The following MBOAT1 variants were observed in gnomAD, a reference collection of about 807,000 sequenced individuals.
The protein encoded by MBOAT1 is membrane bound glycerophospholipid O-acyltransferase 1.
Under a neutral mutation model 64.4 loss-of-function variants are expected in MBOAT1, and 67 were observed. The ratio of observed to expected loss-of-function variants is 1.04; its 90% CI spans 0.85 to 1.27. The LOEUF (loss-of-function observed/expected upper bound fraction) is 1.27. Among genes scored for constraint, MBOAT1 ranks in the 50% most tolerant of loss-of-function variants. MBOAT1 has a pLI of 0.00. For synonymous variants in MBOAT1, 229 were observed against 218.9 expected (o/e 1.05, Z -0.41); for missense variants, 563 against 604.6 (o/e 0.93, Z 0.72).
At chr6:20,129,247 A>C (rs1581409082) in intron 5 of MBOAT1, among the ~76,000 whole-genome samples, 1 of 152,352 alleles carries the variant, frequency 6.6e-6, no homozygotes, top group South Asian at 2.1e-4. Context: ...ACAATAAAAA[A>C]TAAAAAATAA....
intron 11 of MBOAT1, among the ~76,000 whole-genome samples, chr6:20,111,957 C>T (rs1760184803): frequency 6.7e-6 from 1 of 148,176 alleles, no homozygotes; most frequent in Admixed American, 6.8e-5. Flanking sequence ...GTCTTGTTCA[C>T]TGTGGTATCC....
intron 1 of MBOAT1, among the ~76,000 whole-genome samples, chr6:20,197,996 C>A (rs1440444324): frequency 6.6e-6 from 1 of 151,524 alleles, no homozygotes; most frequent in Non-Finnish European, 1.5e-5. Flanking sequence ...GAGTCTGAGG[C>A]GGGTGAAACA....
intron 12 of MBOAT1, 113 bp from the exon 13 acceptor site, chr6:20,102,525 GA>G: frequency 1.2e-6 from 1 of 836,030 alleles, no homozygotes; most frequent in East Asian, 2.8e-5. Flanking sequence ...TTGGCAGTAG[GA>G]GGCCTGTCTA....
In MBOAT1 at chr6:20,124,383, G is replaced by C. The variant is rs562998263; in HGVS notation, c.907+25C>G. 7 of 1,601,520 alleles carry C rather than the reference G, an allele frequency of 4.4e-6. No individual in the cohort carries two copies. In the Middle Eastern group the frequency reaches 8.3e-4, roughly 191 times the overall value. The stretch of plus-strand genomic sequence containing the variant: ...AGCAGTAGCATTTTTCCCTCATTCA[G>C]TTACAGCTACTCCATCAAACTTACC... On this transcript the variant is annotated intron_variant, in intron 8 of 12. Transcript: ENST00000324607.
At chr6:20,138,696 T>G (rs1443420469) in intron 4 of MBOAT1, among the ~76,000 whole-genome samples, 1 of 152,226 alleles carries the variant, frequency 6.6e-6, no homozygotes, top group African/African-American at 2.4e-5. Flanking sequence ...TTATCCTGTA[T>G]GATCAGGATC....
At chr6:20,102,480 T>C in intron 12 of MBOAT1, 68 bp from the exon 13 acceptor site, 2 of 1,339,800 alleles carry the variant, frequency 1.5e-6, no homozygotes, top group South Asian at 1.3e-5. Flanking sequence ...CACCTAATTA[T>C]ATCACCTACA....
At chr6:20,128,922 A>G (rs76432097) in intron 5 of MBOAT1, among the ~76,000 whole-genome samples, 169 bp from the exon 6 acceptor site, 353 of 152,236 alleles carry the variant, frequency 2.3e-3, no homozygotes, top group African/African-American at 8.1e-3. Flanking sequence ...CAAAAGAGCT[A>G]CCCATAAGTA....
intron 9 of MBOAT1, among the ~76,000 whole-genome samples, chr6:20,116,713 G>A (rs1057177573): frequency 2.0e-5 from 3 of 152,146 alleles, no homozygotes; most frequent in Non-Finnish European, 4.4e-5. Flanking sequence ...TATATCAAAT[G>A]TATGATGAAA....
chr6:20,145,365 G>A (rs1388811313), intron 3 of MBOAT1, among the ~76,000 whole-genome samples: 1 of 152,162 alleles, frequency 6.6e-6, no homozygotes, highest in African/African-American at 2.4e-5. Context: ...CATTTCTGTT[G>A]TTTATAAGCC....
intron 3 of MBOAT1, among the ~76,000 whole-genome samples, chr6:20,147,485 C>T (rs1328385159): frequency 6.6e-6 from 1 of 152,132 alleles, no homozygotes; most frequent in Non-Finnish European, 1.5e-5. Context: ...ACTAAAAATA[C>T]AAAATTAGCC....
At chr6:20,115,146 T>C (rs1326354629) in intron 10 of MBOAT1, 142 bp downstream of exon 10, 1 of 694,984 alleles carries the variant, frequency 1.4e-6, no homozygotes, top group South Asian at 1.7e-5. Context: ...TTCTACTTTA[T>C]CATTTACAGG....
In MBOAT1 at chr6:20,168,495, G is replaced by GAC. The variant is rs1561772989; in HGVS notation, c.100-15727_100-15726insGT. 7.8e-4 allele frequency among the ~76,000 whole-genome samples: 101 copies of GAC among 129,450 alleles called. 1 individual carries two copies. The highest frequency in any genetic ancestry group is 1.9e-3 in the African/African-American group (55 of 28,832). The allele number at this position is 129,450 out of a possible 152,430, so 84.9% of individuals were successfully genotyped here. On this transcript the variant is annotated intron_variant, in intron 1 of 12. Transcript: ENST00000324607. ...AGACAGAGACAGAGACAGAGACAGA[G>GAC]AGAGAGAGAGAGGAGAGGAGAGGAG...
chr6:20,128,647 C>A, intron 6 of MBOAT1, 52 bp downstream of exon 6: 2 of 1,339,896 alleles, frequency 1.5e-6, no homozygotes, highest in South Asian at 1.3e-5. Flanking sequence ...AGGAAAATCT[C>A]TAGATACTGA....
At chr6:20,135,101 A>C (rs1760943688) in intron 4 of MBOAT1, among the ~76,000 whole-genome samples, 1 of 152,028 alleles carries the variant, frequency 6.6e-6, no homozygotes, top group African/African-American at 2.4e-5. Flanking sequence ...ATTTAAACGC[A>C]CTTGTCAATC....
chr6:20,178,196 C>T (rs1199332979), intron 1 of MBOAT1, among the ~76,000 whole-genome samples: 2 of 152,188 alleles, frequency 1.3e-5, no homozygotes, highest in African/African-American at 4.8e-5. Context: ...TGGAACCCCA[C>T]TAAGCCAAGA....
Position 20,168,599 on chromosome 6 carries a change from G to GAGAGAAGAGAAGAGAAGAGA in MBOAT1, c.100-15850_100-15831dup, listed in dbSNP as rs149730371. Among the ~76,000 whole-genome samples the GAGAGAAGAGAAGAGAAGAGA allele has an allele frequency of 5.0e-3, 426 of 84,710 alleles. 2 individuals carry two copies. The highest frequency in any genetic ancestry group is 7.9e-3 in the African/African-American group (150 of 18,882). The allele number at this position is 84,710 out of a possible 152,430, so 55.6% of individuals were successfully genotyped here. On this transcript the variant is annotated intron_variant, in intron 1 of 12. Transcript: ENST00000324607. The stretch of plus-strand genomic sequence containing the variant: ...AGAGAAAGAGAGAGAGGGAGAGAAA[G>GAGAGAAGAGAAGAGAAGAGA]AGAGAAGAGAAGAGAAGAGAAGAGA...
intron 1 of MBOAT1, among the ~76,000 whole-genome samples, chr6:20,206,832 C>T (rs1436750161): frequency 2.0e-5 from 3 of 152,126 alleles, no homozygotes; most frequent in African/African-American, 7.2e-5. Flanking sequence ...AGGCGCACAC[C>T]CCGATTTTCA....
chr6:20,136,633 C>G (rs1275367674), intron 4 of MBOAT1, among the ~76,000 whole-genome samples: 1 of 152,144 alleles, frequency 6.6e-6, no homozygotes, highest in South Asian at 2.1e-4. Context: ...TGATCTCTAT[C>G]GCTAGCAAGA....
intron 1 of MBOAT1, among the ~76,000 whole-genome samples, chr6:20,188,158 G>A (rs931709832): frequency 1.3e-4 from 20 of 152,186 alleles, no homozygotes; most frequent in Admixed American, 2.0e-4. Context: ...GTAGAGACAA[G>A]AAACTGTAGG....
Sources: gnomAD v4.1 joint callset for allele counts (sites outside exome capture counted in the v4.1 genomes callset) on GRCh38, gnomAD v4.1.1 for gene constraint, MANE v1.5 for transcripts, NCBI Gene and HGNC (gene_info 2026-07-23, HGNC 2026-07-21) for gene names.